Variants in ELF1 observed in about 807,000 individuals in gnomAD.
ELF1 encodes E74 like ETS transcription factor 1.
A neutral mutation model predicts 59.9 loss-of-function variants in ELF1; 24 were observed. That is an observed-to-expected ratio of 0.40 (90% CI 0.29 to 0.56). The LOEUF (loss-of-function observed/expected upper bound fraction) is 0.56. ELF1 is among the 20% of genes least tolerant of loss of function. ELF1 has a pLI of 0.44. For synonymous variants in ELF1, 248 were observed against 266.2 expected (o/e 0.93, Z 0.67); for missense variants, 627 against 742.2 (o/e 0.84, Z 1.80).
chr13:40,949,254 G>A (rs1342485212), intron 5 of ELF1, among the ~76,000 whole-genome samples: 2 of 151,730 alleles, frequency 1.3e-5, no homozygotes, highest in African/African-American at 4.8e-5. Flanking sequence ...CCAAAGTGCT[G>A]GGATTAAAGG....
chr13:41,002,451 T>C (rs973547536), intron 1 of ELF1, among the ~76,000 whole-genome samples: 1 of 151,906 alleles, frequency 6.6e-6, no homozygotes, highest in Non-Finnish European at 1.5e-5. Context: ...GAGACCAGCC[T>C]GAGCAACATG....
chr13:41,042,247 C>A (rs1876641961), intron 1 of ELF1, among the ~76,000 whole-genome samples: 1 of 151,984 alleles, frequency 6.6e-6, no homozygotes, highest in Admixed American at 6.6e-5. Context: ...CTCCTGACCT[C>A]AAGTAATTCG....
At chr13:41,015,224 A>G (rs1171368900) in intron 1 of ELF1, among the ~76,000 whole-genome samples, 3 of 152,146 alleles carry the variant, frequency 2.0e-5, no homozygotes, top group African/African-American at 7.2e-5. Context: ...TAGGTTAATT[A>G]CATTAAAAAA....
chr13:40,938,206 C>G (rs1869914251), intron 8 of ELF1, among the ~76,000 whole-genome samples: 1 of 152,080 alleles, frequency 6.6e-6, no homozygotes, highest in Non-Finnish European at 1.5e-5. Context: ...CAATGTTTAC[C>G]AAGGGGCAAT....
chr13:40,998,510 A>G (rs1874240799), intron 1 of ELF1, among the ~76,000 whole-genome samples: 1 of 152,220 alleles, frequency 6.6e-6, no homozygotes, highest in South Asian at 2.1e-4. Flanking sequence ...AAATCACCTA[A>G]TGATCCATTT....
intron 1 of ELF1, among the ~76,000 whole-genome samples, chr13:41,008,143 T>C (rs983077242): frequency 6.6e-6 from 1 of 152,208 alleles, no homozygotes; most frequent in African/African-American, 2.4e-5. Context: ...AAATTGGAGG[T>C]ACAAATAAAG....
intron 8 of ELF1, among the ~76,000 whole-genome samples, 154 bp downstream of exon 8, chr13:40,940,767 T>C (rs1330178372): frequency 1.3e-5 from 2 of 152,198 alleles, no homozygotes; most frequent in Admixed American, 6.5e-5. Context: ...ACTGACATAA[T>C]AGTAACTGCT....
At chr13:40,948,235 T>G (rs1593354573) in intron 5 of ELF1, among the ~76,000 whole-genome samples, 1 of 152,228 alleles carries the variant, frequency 6.6e-6, no homozygotes, top group South Asian at 2.1e-4. Flanking sequence ...TACTAAGTAT[T>G]TACCCAAAAG....
At chr13:41,009,835 A>G (rs1874948122) in intron 1 of ELF1, among the ~76,000 whole-genome samples, 1 of 152,034 alleles carries the variant, frequency 6.6e-6, no homozygotes, top group African/African-American at 2.4e-5. Flanking sequence ...TAATAATGTA[A>G]AACTCTAAGA....
chr13:41,060,860 C>T lies in ELF1; in HGVS notation c.-251G>A, dbSNP rs1055439065. On this transcript the variant is annotated 5_prime_UTR_variant, in exon 1 of 2. Transcript: ENST00000405737. The stretch of plus-strand genomic sequence containing the variant: ...CACCTGACAAGCATAAGTGCCTCTG[C>T]CTCCTTCGCCGCACCTCTCGCCACC... The T allele has an allele frequency of 1.1e-4, 37 of 326,382 alleles. 1 individual carries two copies. Among genetic ancestry groups the T allele is most frequent in the Admixed American group, 8.0e-4 (19 of 23,706 alleles). 20.2% of individuals were successfully genotyped at this position (326,382 alleles called of 1,614,324 possible).
intron 1 of ELF1, among the ~76,000 whole-genome samples, chr13:40,985,251 T>C (rs1258368476): frequency 6.6e-6 from 1 of 152,220 alleles, no homozygotes; most frequent in Non-Finnish European, 1.5e-5. Context: ...CATTTTCTGA[T>C]ACCTGATCCA....
chr13:41,056,749 C>A (rs934973452), intron 1 of ELF1, among the ~76,000 whole-genome samples: 2 of 151,832 alleles, frequency 1.3e-5, no homozygotes, highest in African/African-American at 4.8e-5. Context: ...ATTTCAGATA[C>A]TAAGAAAATG....
chr13:40,947,236 T>C (rs935744686), intron 5 of ELF1, among the ~76,000 whole-genome samples: 1 of 152,050 alleles, frequency 6.6e-6, no homozygotes, highest in African/African-American at 2.4e-5. Flanking sequence ...AAATACTACA[T>C]ATTTAAGAAA....
intron 5 of ELF1, among the ~76,000 whole-genome samples, chr13:40,949,341 CTTAT>C (rs990999926): frequency 6.6e-6 from 1 of 151,266 alleles, no homozygotes; most frequent in African/African-American, 2.4e-5. Context: ...ACCTCTTTTT[CTTAT>C]TTATTTATTT....
At position 40,986,324 on chromosome 13, in the gene ELF1, G is replaced by A. The variant is rs532377742; in HGVS notation, c.-228-4042C>T. On this transcript the variant is annotated intron_variant, in intron 1 of 8. Transcript: ENST00000239882. ...CTCAAGTCTCTTCCTTCTGTAAAAC[G>A]GGTAAAGTAATACCAAAACCTAGAG... is the stretch of plus-strand genomic sequence containing the variant. Among the ~76,000 whole-genome samples, 12 of 152,272 alleles carry A rather than the reference G, an allele frequency of 7.9e-5. No homozygotes were observed. In the South Asian group the frequency reaches 1.9e-3, roughly 24 times the overall value.
chr13:41,035,689 G>C (rs1876345005), intron 1 of ELF1, among the ~76,000 whole-genome samples: 1 of 137,584 alleles, frequency 7.3e-6, no homozygotes, highest in African/African-American at 2.7e-5. Context: ...TAATACTTTA[G>C]AGAGAAAGAG....
At chr13:40,981,924 A>AT in intron 2 of ELF1, 59 bp downstream of exon 2, 1 of 1,545,986 alleles carries the variant, frequency 6.5e-7, no homozygotes, top group Non-Finnish European at 8.7e-7. Flanking sequence ...TAATTTTCTG[A>AT]TATGAATAGA....
upstream of ELF1, among the ~76,000 whole-genome samples, chr13:41,022,619 G>C (rs1297410369): frequency 1.3e-5 from 2 of 152,170 alleles, no homozygotes; most frequent in African/African-American, 2.4e-5. Flanking sequence ...GTTGGCTCAC[G>C]CTTGTAATCC....
At chr13:41,058,210 T>C (rs963889549) in intron 1 of ELF1, among the ~76,000 whole-genome samples, 4 of 152,200 alleles carry the variant, frequency 2.6e-5, no homozygotes, top group African/African-American at 4.8e-5. Flanking sequence ...TGTTACCTAG[T>C]CAAAATTTAT....
Sources: allele counts gnomAD v4.1 joint callset (sites outside exome capture counted in the v4.1 genomes callset), GRCh38; gene constraint gnomAD v4.1.1; transcripts MANE v1.5; gene names NCBI Gene and HGNC (gene_info 2026-07-23, HGNC 2026-07-21).